Variants in ZNF490 observed in about 807,000 individuals in gnomAD.
The protein encoded by ZNF490 is zinc finger protein 490.
ZNF490 carries 11 observed loss-of-function variants against 17.7 expected under a neutral mutation model. The observed-to-expected ratio is 0.62, with a 90% CI of 0.39 to 1.03. The LOEUF (loss-of-function observed/expected upper bound fraction) is 1.03. Ranked by LOEUF, ZNF490 falls within the 50% of genes least tolerant of loss-of-function variation. The probability of loss-of-function intolerance (pLI) is 0.00; values close to 1 mark genes in which losing one functional copy is unlikely to be tolerated. For missense variants in ZNF490, 542 were observed against 643.4 expected (o/e 0.84, Z 1.71); for synonymous variants, 222 against 216.1 (o/e 1.03, Z -0.24).
intron 2 of ZNF490, among the ~76,000 whole-genome samples, chr19:12,605,728 C>T (rs1316589744): frequency 1.3e-5 from 2 of 152,154 alleles, no homozygotes; most frequent in African/African-American, 4.8e-5. Context: ...GATACTGTCA[C>T]AATTAAATTG....
chr19:12,604,603 A>C (rs2023045168), intron 2 of ZNF490, among the ~76,000 whole-genome samples: 1 of 151,898 alleles, frequency 6.6e-6, no homozygotes, highest in South Asian at 2.1e-4. Context: ...CAGAGGCTGC[A>C]GTGAGCCAAG....
At chr19:12,597,684 G>A (rs1488835093) in intron 2 of ZNF490, among the ~76,000 whole-genome samples, 1 of 152,114 alleles carries the variant, frequency 6.6e-6, no homozygotes, top group Non-Finnish European at 1.5e-5. Context: ...ACCTCATATA[G>A]GTGGAATTAT....
At chr19:12,583,056 T>A (rs2022760397) in intron 3 of ZNF490, 146 bp from the exon 4 acceptor site, 1 of 768,406 alleles carries the variant, frequency 1.3e-6, no homozygotes, top group Non-Finnish European at 2.0e-6. Flanking sequence ...TTTTTTTTTT[T>A]TTTTTGAGAC....
chr19:12,578,541 G>C lies in ZNF490; in HGVS notation c.*1944C>G, dbSNP rs1481435116. 1 of 985,346 alleles carries C rather than the reference G, an allele frequency of 1.0e-6. No individual in the cohort carries two copies. Among genetic ancestry groups the C allele is most frequent in the Non-Finnish European group, 1.2e-6 (1 of 829,946 alleles). 61.0% of individuals were successfully genotyped at this position (985,346 alleles called of 1,614,324 possible). A position where few individuals can be genotyped will look rare whatever the true frequency, so the allele number is the denominator to read the frequency against. ...GTTTGAGATGGGAAATGGAGCTGGA[G>C]ATGACCTCAAAACAGCCCTGGAATA... On this transcript the variant is annotated 3_prime_UTR_variant, in exon 5 of 5. Transcript: ENST00000311437.
intron 2 of ZNF490, among the ~76,000 whole-genome samples, 198 bp from the exon 3 acceptor site, chr19:12,583,754 G>GCC: frequency 1.4e-5 from 1 of 70,548 alleles, no homozygotes; most frequent in Non-Finnish European, 2.7e-5. Context: ...AAAAATTATT[G>GCC]CGCTCTCTCT....
rs755496430 is a variant in ZNF490 at position 12,581,323 on chromosome 19, T to G, written c.752A>C (p.Glu251Ala). ...GAATGCCTTCCCACATTCCTTACATTCATAGGGTGTCTCTCCAGTATGAAT... is the reference window on the plus strand; with the variant it reads ...GAATGCCTTCCCACATTCCTTACATGCATAGGGTGTCTCTCCAGTATGAAT... ...IRIHTGETPY[E>A]CKECGKAFRY... The change falls in exon 5 of 5, where the codon GAA becomes GCA. Residue 251 changes from glutamate to alanine, a missense_variant. Physicochemically the swap from Glu to Ala is moderately radical, Grantham distance 107. Transcript: ENST00000311437. The G allele has an allele frequency of 2.5e-6, 4 of 1,613,998 alleles. No homozygotes were observed. The highest frequency in any genetic ancestry group is 3.4e-6 in the Non-Finnish European group (4 of 1,180,008).
chr19:12,589,275 T>C (rs1025203637), intron 2 of ZNF490, among the ~76,000 whole-genome samples: 1 of 152,140 alleles, frequency 6.6e-6, no homozygotes, highest in African/African-American at 2.4e-5. Context: ...GAGAATCACT[T>C]GAACCCAGGA....
In ZNF490 at chr19:12,580,999, A is replaced by C. The variant is rs1485705452; in HGVS notation, c.1076T>G (p.Val359Gly). 1.2e-6 allele frequency: 2 copies of C among 1,613,948 alleles called. No homozygotes were observed. ...ACATTTCTTACATGTATAAGGTTGA[A>C]CTCCGGTGTGGGTTTTCACGTGTTT... is the stretch of plus-strand genomic sequence containing the variant. ...LRKHVKTHTGVQPYTCKKCGE... is the reference protein window; with the variant it reads ...LRKHVKTHTGGQPYTCKKCGE... Residue 359 changes from valine (V) to glycine (G), a missense_variant, in exon 5 of 5, where the codon GTT becomes GGT. Val to Gly is a moderately radical substitution (Grantham distance 109). Transcript: ENST00000311437.
At chr19:12,607,859 G>A (rs1187264474) in intron 2 of ZNF490, among the ~76,000 whole-genome samples, 1 of 152,102 alleles carries the variant, frequency 6.6e-6, no homozygotes, top group Non-Finnish European at 1.5e-5. Context: ...CAGGAAGGAC[G>A]GTGACCCAGA....
intron 2 of ZNF490, among the ~76,000 whole-genome samples, chr19:12,598,055 C>A (rs2022956449): frequency 6.6e-6 from 1 of 152,064 alleles, no homozygotes; most frequent in African/African-American, 2.4e-5. Flanking sequence ...CAAACCCTGT[C>A]TCTACTAAAA....
chr19:12,592,716 C>T (rs141771723), intron 2 of ZNF490, among the ~76,000 whole-genome samples: 2 of 152,142 alleles, frequency 1.3e-5, no homozygotes, highest in East Asian at 1.9e-4. Flanking sequence ...ACTGTGGACT[C>T]TGAGGCATCA....
chr19:12,583,803 ATATATATATT>A (rs1238949012), intron 2 of ZNF490, among the ~76,000 whole-genome samples: 16 of 115,996 alleles, frequency 1.4e-4, no homozygotes, highest in African/African-American at 5.1e-4. Flanking sequence ...ATATATATAT[ATATATATATT>A]TTTTTTTTTT....
At chr19:12,599,210 T>C (rs1239224763) in intron 2 of ZNF490, among the ~76,000 whole-genome samples, 1 of 116,044 alleles carries the variant, frequency 8.6e-6, no homozygotes, top group African/African-American at 3.3e-5. Context: ...GTTATAAAAA[T>C]AAATAAGTAT....
At position 12,578,046 on chromosome 19, in the gene ZNF490, C is replaced by T. The variant is rs142245534; in HGVS notation, c.*2439G>A. 2.0e-5 allele frequency: 20 copies of T among 985,300 alleles called. No homozygotes were observed. The South Asian group carries it at 4.7e-4, about 23-fold the overall frequency. The allele number at this position is 985,300 out of a possible 1,614,324, so 61.0% of individuals were successfully genotyped here. Reference sequence around the variant, plus strand: ...TTCCATGGCTTGTGAACCCTGACACCAGCACCTCCCATACACAACAGAGCT... The same window carrying T: ...TTCCATGGCTTGTGAACCCTGACACTAGCACCTCCCATACACAACAGAGCT... On this transcript the variant is annotated 3_prime_UTR_variant, in exon 5 of 5. Transcript: ENST00000311437.
intron 2 of ZNF490, among the ~76,000 whole-genome samples, chr19:12,605,031 T>A (rs1044327372): frequency 1.1e-4 from 17 of 151,916 alleles, no homozygotes; most frequent in African/African-American, 4.1e-4. Flanking sequence ...AGGATGCCTG[T>A]CATTCCAGCT....
At chr19:12,610,243 T>C (rs1402440321) in intron 1 of ZNF490, among the ~76,000 whole-genome samples, 1 of 150,906 alleles carries the variant, frequency 6.6e-6, no homozygotes, top group East Asian at 1.9e-4. Context: ...CTGGCCATGT[T>C]GCCCAGACTG....
At chr19:12,593,243 TG>T (rs1208424404) in intron 2 of ZNF490, among the ~76,000 whole-genome samples, 3 of 150,520 alleles carry the variant, frequency 2.0e-5, no homozygotes, top group Non-Finnish European at 4.4e-5. Flanking sequence ...CAGAGTTTTG[TG>T]GGTTTTTTTT....
chr19:12,583,485 C>T lies in ZNF490; in HGVS notation c.234G>A (p.Gln78=). Residue 78 remains glutamine (Q), a synonymous_variant, in exon 3 of 5, where the codon CAG becomes CAA. Transcript: ENST00000311437. ...GCATCACATCTCTGTAGATATTCCTCTGGCCAGGATCCAGCAAAGCCCACT... is the reference window on the plus strand; with the variant it reads ...GCATCACATCTCTGTAGATATTCCTTTGGCCAGGATCCAGCAAAGCCCACT... The part of the protein sequence containing the change: ...LEEWALLDPG[Q]RNIYRDVMRA... 1 of 1,607,336 alleles carries T rather than the reference C, an allele frequency of 6.2e-7. No individual in the cohort carries two copies. Among genetic ancestry groups the T allele is most frequent in the South Asian group, 1.1e-5 (1 of 90,920 alleles).
chr19:12,610,514 G>A, intron 1 of ZNF490, 50 bp downstream of exon 1: 1 of 1,389,862 alleles, frequency 7.2e-7, no homozygotes, highest in Non-Finnish European at 1.0e-6. Context: ...TATAAACAAG[G>A]GTCACTATTC....
Sources: allele counts gnomAD v4.1 joint callset (sites outside exome capture counted in the v4.1 genomes callset), GRCh38; gene constraint gnomAD v4.1.1; transcripts MANE v1.5; gene names NCBI Gene and HGNC (gene_info 2026-07-23, HGNC 2026-07-21).